SLC24A2: variants seen among roughly 807,000 people sequenced by gnomAD.
The protein encoded by SLC24A2 is solute carrier family 24 member 2.
In SLC24A2, 36 loss-of-function variants were observed where a neutral mutation model predicts 62.0. The ratio of observed to expected loss-of-function variants is 0.58; its 90% CI spans 0.44 to 0.77. The LOEUF (loss-of-function observed/expected upper bound fraction) is 0.77. Ranked by LOEUF, SLC24A2 falls within the 30% of genes least tolerant of loss-of-function variation. The pLI is 0.00. For synonymous variants in SLC24A2, 358 were observed against 294.0 expected (o/e 1.22, Z -2.23); for missense variants, 846 against 817.9 (o/e 1.03, Z -0.42).
the SLC24A2 span, among the ~76,000 whole-genome samples, chr9:19,852,170 T>C: frequency 6.6e-6 from 1 of 152,186 alleles, no homozygotes; most frequent in Non-Finnish European, 1.5e-5. Context: ...CACTTTTTAA[T>C]GGTGTTTTCT....
chr9:20,110,677 T>C, the SLC24A2 span, among the ~76,000 whole-genome samples: 1 of 152,276 alleles, frequency 6.6e-6, no homozygotes, highest in South Asian at 2.1e-4. Context: ...GTCTTGACTC[T>C]TATTGATATT....
At chr9:19,567,957 A>G (rs1454001131) in intron 7 of SLC24A2, among the ~76,000 whole-genome samples, 2 of 152,220 alleles carry the variant, frequency 1.3e-5, no homozygotes, top group Non-Finnish European at 1.5e-5. Flanking sequence ...AGATGAGGTG[A>G]CAATGTGAAA....
chr9:19,639,830 A>G (rs1818448206), intron 2 of SLC24A2, among the ~76,000 whole-genome samples: 1 of 152,248 alleles, frequency 6.6e-6, no homozygotes, highest in Non-Finnish European at 1.5e-5. Context: ...TTATAGTCAC[A>G]GAGGAAGCAA....
the SLC24A2 span, among the ~76,000 whole-genome samples, chr9:20,257,907 A>G: frequency 1.3e-5 from 2 of 152,180 alleles, no homozygotes; most frequent in African/African-American, 4.8e-5. Context: ...ATGGTCCCTT[A>G]GCTCATGGAG....
the SLC24A2 span, among the ~76,000 whole-genome samples, chr9:20,018,766 G>A: frequency 2.0e-5 from 3 of 151,234 alleles, no homozygotes; most frequent in Admixed American, 6.6e-5. Flanking sequence ...TTTTATACAT[G>A]AAAAAAAACC....
At chr9:19,822,849 C>G in the SLC24A2 span, among the ~76,000 whole-genome samples, 1 of 152,200 alleles carries the variant, frequency 6.6e-6, no homozygotes. Context: ...AAATGATAAG[C>G]TTACTTCCAT....
intron 2 of SLC24A2, among the ~76,000 whole-genome samples, chr9:19,654,181 T>C (rs894635991): frequency 1.3e-5 from 2 of 152,174 alleles, no homozygotes; most frequent in Non-Finnish European, 2.9e-5. Context: ...ATACAGAATG[T>C]AGTGGAATCA....
At chr9:20,210,062 T>C in the SLC24A2 span, among the ~76,000 whole-genome samples, 2 of 152,220 alleles carry the variant, frequency 1.3e-5, no homozygotes, top group African/African-American at 4.8e-5. Context: ...CAGGGGTTTC[T>C]AGCAAGTGTT....
chr9:19,804,614 GT>G, the SLC24A2 span, among the ~76,000 whole-genome samples: 2 of 151,980 alleles, frequency 1.3e-5, no homozygotes, highest in Non-Finnish European at 2.9e-5. Context: ...TTCTTCCTTT[GT>G]AATGAAGATG....
At chr9:19,726,544 C>T (rs181288374) in intron 2 of SLC24A2, among the ~76,000 whole-genome samples, 55 of 152,262 alleles carry the variant, frequency 3.6e-4, no homozygotes, top group Non-Finnish European at 5.9e-4. Flanking sequence ...TTGTGATTGG[C>T]TCCTGGAGAC....
At chr9:19,539,357 C>A (rs1341342191) in intron 8 of SLC24A2, among the ~76,000 whole-genome samples, 4 of 148,766 alleles carry the variant, frequency 2.7e-5, no homozygotes, top group African/African-American at 1.0e-4. Flanking sequence ...TATAAATTTC[C>A]CTCTACACAC....
At chr9:20,228,371 C>T in the SLC24A2 span, among the ~76,000 whole-genome samples, 1 of 152,032 alleles carries the variant, frequency 6.6e-6, no homozygotes, top group Non-Finnish European at 1.5e-5. Context: ...TTGGGGGTCA[C>T]AGACTGTCAG....
the SLC24A2 span, among the ~76,000 whole-genome samples, chr9:20,026,938 T>G: frequency 1.3e-5 from 2 of 152,190 alleles, no homozygotes; most frequent in East Asian, 3.8e-4. Flanking sequence ...CAAGGGTTGA[T>G]GTCCAAAATA....
intron 2 of SLC24A2, among the ~76,000 whole-genome samples, chr9:19,723,323 T>C (rs1287466432): frequency 6.6e-6 from 1 of 152,092 alleles, no homozygotes; most frequent in Non-Finnish European, 1.5e-5. Flanking sequence ...TTTTAATGTA[T>C]TTCATATTTC....
At position 19,544,265 on chromosome 9, in the gene SLC24A2, T is replaced by TTTTTC. The variant is rs1428580040; in HGVS notation, c.1479+5871_1479+5872insGAAAA. On this transcript the variant is annotated intron_variant, in intron 8 of 10. Coordinates refer to ENST00000341998, the MANE Select transcript of SLC24A2 (RefSeq NM_020344.4). Reference sequence around the variant, plus strand: ...GGATTGCAACCCCTGCTTTTTTTTTTTTTCTTTCTATTTGCTTGGTAAATC... The same window carrying TTTTTC: ...GGATTGCAACCCCTGCTTTTTTTTTTTTTTCTTTCTTTCTATTTGCTTGGTAAATC... 4.7e-5 allele frequency among the ~76,000 whole-genome samples: 7 copies of TTTTTC among 150,430 alleles called. 1 individual carries two copies. Among genetic ancestry groups the TTTTTC allele is most frequent in the African/African-American group, 7.3e-5 (3 of 40,970 alleles).
chr9:19,575,930 T>G (rs1418053270), intron 6 of SLC24A2, among the ~76,000 whole-genome samples: 1 of 151,884 alleles, frequency 6.6e-6, no homozygotes, highest in African/African-American at 2.4e-5. Context: ...AAAATATGCT[T>G]ATTCTGAAAA....
At chr9:19,804,195 G>A in the SLC24A2 span, among the ~76,000 whole-genome samples, 3 of 152,196 alleles carry the variant, frequency 2.0e-5, no homozygotes, top group East Asian at 1.9e-4. Flanking sequence ...AAATTGTGTT[G>A]AACTGGTAGA....
At chr9:20,214,906 C>T in the SLC24A2 span, among the ~76,000 whole-genome samples, 240 of 152,210 alleles carry the variant, frequency 1.6e-3, 6 homozygotes, top group East Asian at 0.037. Flanking sequence ...GAAAAATTAC[C>T]GTACAGTCTC....
chr9:19,930,528 T>C, the SLC24A2 span, among the ~76,000 whole-genome samples: 36 of 152,154 alleles, frequency 2.4e-4, no homozygotes, highest in Non-Finnish European at 3.4e-4. Flanking sequence ...TGACCCATGA[T>C]TGTACATCAT....
Sources: allele counts gnomAD v4.1 joint callset (sites outside exome capture counted in the v4.1 genomes callset), GRCh38; gene constraint gnomAD v4.1.1; transcripts MANE v1.5; gene names NCBI Gene and HGNC (gene_info 2026-07-23, HGNC 2026-07-21).